LAMC3: variants seen among roughly 807,000 people sequenced by gnomAD.
LAMC3 encodes the protein laminin subunit gamma-3.
LAMC3 carries 128 observed loss-of-function variants against 173.8 expected under a neutral mutation model. That is an observed-to-expected ratio of 0.74 (90% CI 0.64 to 0.85). LAMC3 has a LOEUF of 0.85. Ranked by LOEUF, LAMC3 falls within the 40% of genes least tolerant of loss-of-function variation. LAMC3 has a pLI of 0.00. For synonymous variants in LAMC3, 897 were observed against 909.1 expected (o/e 0.99, Z 0.24); for missense variants, 2,022 against 2,156.0 (o/e 0.94, Z 1.23).
intron 23 of LAMC3, among the ~76,000 whole-genome samples, chr9:131,080,742 G>T (rs1830223839): frequency 6.6e-6 from 1 of 152,074 alleles, no homozygotes; most frequent in South Asian, 2.1e-4. Context: ...GGGTGAGGTT[G>T]CCAGGAAGAG....
At chr9:131,064,088 A>G (rs1030990369) in intron 13 of LAMC3, among the ~76,000 whole-genome samples, 12 of 152,126 alleles carry the variant, frequency 7.9e-5, no homozygotes, top group Admixed American at 7.2e-4. Context: ...TTGTATTTTT[A>G]GTAGAGATGG....
At chr9:131,052,065 G>C (rs889418665) in intron 9 of LAMC3, among the ~76,000 whole-genome samples, 2 of 152,266 alleles carry the variant, frequency 1.3e-5, no homozygotes, top group East Asian at 3.9e-4. Context: ...TTACCTTGCT[G>C]TCACCTGGAG....
chr9:131,047,387 G>C (rs574509718), intron 8 of LAMC3, among the ~76,000 whole-genome samples: 2 of 151,022 alleles, frequency 1.3e-5, no homozygotes, highest in East Asian at 4.0e-4. Context: ...GGCTGGTCTT[G>C]AACTCCTGAC....
intron 3 of LAMC3, among the ~76,000 whole-genome samples, chr9:131,032,557 G>GCTGTCTCTCTCTCTTGCTCTCTCTCGCT (rs573441455): frequency 2.3e-5 from 3 of 132,216 alleles, no homozygotes; most frequent in African/African-American, 8.6e-5. Context: ...GCTCTCTCTC[G>GCTGTCTCTCTCTCTTGCTCTCTCTCGCT]CTCTCTCTCT....
At chr9:131,048,545 G>A (rs1236040892) in intron 8 of LAMC3, among the ~76,000 whole-genome samples, 2 of 152,160 alleles carry the variant, frequency 1.3e-5, no homozygotes, top group African/African-American at 2.4e-5. Flanking sequence ...GTGCTGGGCT[G>A]TGCTCCGTGT....
intron 1 of LAMC3, among the ~76,000 whole-genome samples, chr9:131,022,099 G>A (rs1833635754): frequency 6.6e-6 from 1 of 152,158 alleles, no homozygotes; most frequent in Non-Finnish European, 1.5e-5. Flanking sequence ...GAACTTTAGA[G>A]TGAAAGGAGG....
chr9:131,072,779 G>A lies in LAMC3; in HGVS notation c.3361G>A (p.Val1121Met). Residue 1121 changes from valine (V) to methionine (M), a missense_variant, in exon 19 of 28, where the codon GTG (valine) becomes ATG (methionine). Coordinates refer to ENST00000361069, the MANE Select transcript of LAMC3 (RefSeq NM_006059.4). Reference sequence around the variant, plus strand: ...CACCCAGCTGGCAGACCTGGAGGCAGTGCTGGAGTCCTCGGAAGAGGAGAT... The same window carrying A: ...CACCCAGCTGGCAGACCTGGAGGCAATGCTGGAGTCCTCGGAAGAGGAGAT... ...TCTQLADLEA[V>M]LESSEEEILH... The A allele has an allele frequency of 1.9e-6, 3 of 1,613,508 alleles. No individual in the cohort carries two copies. Among genetic ancestry groups the A allele is most frequent in the Non-Finnish European group, 2.5e-6 (3 of 1,179,834 alleles).
chr9:131,011,692 G>C (rs1303441641), intron 1 of LAMC3, among the ~76,000 whole-genome samples: 1 of 151,868 alleles, frequency 6.6e-6, no homozygotes, highest in Non-Finnish European at 1.5e-5. Flanking sequence ...TGGGGGAGCT[G>C]TCTGGATGGA....
intron 20 of LAMC3, among the ~76,000 whole-genome samples, chr9:131,074,624 A>T (rs1830091312): frequency 6.8e-6 from 1 of 148,144 alleles, no homozygotes; most frequent in Admixed American, 6.8e-5. Flanking sequence ...TGAACCTGGG[A>T]GGTGGAGGTT....
At chr9:131,045,249 A>C (rs948515273) in intron 7 of LAMC3, among the ~76,000 whole-genome samples, 29 of 148,718 alleles carry the variant, frequency 1.9e-4, no homozygotes, top group East Asian at 9.8e-4. Flanking sequence ...ACAACAACAA[A>C]AAAACAAAAC....
intron 25 of LAMC3, among the ~76,000 whole-genome samples, chr9:131,086,994 G>C (rs1830343255): frequency 6.6e-6 from 1 of 152,172 alleles, no homozygotes; most frequent in Non-Finnish European, 1.5e-5. Context: ...CAAAGTGCTG[G>C]GACCATAGGC....
chr9:131,047,150 G>C (rs1208553227), intron 8 of LAMC3, among the ~76,000 whole-genome samples: 2 of 117,994 alleles, frequency 1.7e-5, no homozygotes, highest in Non-Finnish European at 3.6e-5. Flanking sequence ...AAAACTTTTT[G>C]GTCTCTGAAT....
At chr9:131,022,034 G>T (rs552961976) in intron 1 of LAMC3, among the ~76,000 whole-genome samples, 1 of 152,142 alleles carries the variant, frequency 6.6e-6, no homozygotes, top group East Asian at 1.9e-4. Flanking sequence ...TCCCTTGGGC[G>T]TAGGGTGGGA....
rs56236465 is a variant in LAMC3 at position 131,032,441 on chromosome 9, C to T, written c.809+266C>T. ...TCAGCCTGGAGGTTCCTTCCTTCCT[C>T]CCTCCCTCCCTCCCTTCCTCCCTTC... is the stretch of plus-strand genomic sequence containing the variant. On this transcript the variant is annotated intron_variant, in intron 3 of 27. Coordinates refer to ENST00000361069, the MANE Select transcript of LAMC3 (RefSeq NM_006059.4). 0.46 allele frequency among the ~76,000 whole-genome samples: 66,487 copies of T among 145,394 alleles called. 15,164 individuals are homozygous for T. Among genetic ancestry groups the T allele is most frequent in the East Asian group, 0.82 (4,074 of 4,970 alleles).
At chr9:131,047,921 A>AT (rs1356938685) in intron 8 of LAMC3, among the ~76,000 whole-genome samples, 4 of 74,220 alleles carry the variant, frequency 5.4e-5, no homozygotes, top group African/African-American at 1.5e-4. Flanking sequence ...TTTTTATTTT[A>AT]TTTTTTTAGC....
At position 131,049,081 on chromosome 9, in the gene LAMC3, A is replaced by T; in HGVS notation, c.1581A>T (p.Pro527=). Residue 527 remains proline (P), a synonymous_variant, in exon 9 of 28, where the codon CCA becomes CCT. Coordinates refer to ENST00000361069, the MANE Select transcript of LAMC3 (RefSeq NM_006059.4). ...GGSEHPPQWS[P]NGVLLSPEDE... is the part of the protein sequence containing the mutation. ...CTGAGCACCCCCCACAATGGAGCCC[A>T]AATGGGGTCCTCCTGAGCCCAGAAG... The T allele has an allele frequency of 1.1e-5, 17 of 1,552,382 alleles. No homozygotes were observed. The highest frequency in any genetic ancestry group is 1.5e-5 in the Non-Finnish European group (17 of 1,147,356).
At chr9:131,045,745 G>C in intron 8 of LAMC3, 85 bp downstream of exon 8, 11 of 1,499,470 alleles carry the variant, frequency 7.3e-6, no homozygotes, top group Non-Finnish European at 1.0e-5. Context: ...TCTTGCATTA[G>C]TGGATCTCCC....
intron 27 of LAMC3, 97 bp from the exon 28 acceptor site, chr9:131,091,439 TG>T: frequency 6.7e-7 from 1 of 1,483,928 alleles, no homozygotes; most frequent in Non-Finnish European, 9.2e-7. Flanking sequence ...ATTGGAATCC[TG>T]GGAGGCCTGA....
intron 1 of LAMC3, among the ~76,000 whole-genome samples, chr9:131,011,521 C>T (rs1049074163): frequency 7.2e-5 from 11 of 152,132 alleles, no homozygotes; most frequent in African/African-American, 2.4e-4. Context: ...CGGGGAGGAC[C>T]GTGAGCCCGC....
Sources: allele counts gnomAD v4.1 joint callset (sites outside exome capture counted in the v4.1 genomes callset), GRCh38; gene constraint gnomAD v4.1.1; transcripts MANE v1.5; gene names NCBI Gene and HGNC (gene_info 2026-07-23, HGNC 2026-07-21).